The following MAEL variants were observed in gnomAD, a reference collection of about 807,000 sequenced individuals.
MAEL encodes the protein protein maelstrom homolog.
Under a neutral mutation model 62.0 loss-of-function variants are expected in MAEL, and 46 were observed. The ratio of observed to expected loss-of-function variants is 0.74; its 90% confidence interval spans 0.59 to 0.95. MAEL has a LOEUF of 0.95. MAEL is among the 40% of genes least tolerant of loss of function. The probability of loss-of-function intolerance (pLI) is 0.00; values close to 1 mark genes in which losing one functional copy is unlikely to be tolerated. For missense variants in MAEL, 497 were observed against 526.8 expected (o/e 0.94, Z 0.55); for synonymous variants, 172 against 175.5 (o/e 0.98, Z 0.16).
At chr1:166,995,326 C>A (rs541363145) in intron 5 of MAEL, among the ~76,000 whole-genome samples, 92 of 151,960 alleles carry the variant, frequency 6.1e-4, no homozygotes, top group Middle Eastern at 3.4e-3. Flanking sequence ...CTGCAACCTC[C>A]GCCTCCTGGG....
rs1250433091 is a variant in MAEL, at chr1:167,006,612, T to C, written c.845+1215T>C. Among the ~76,000 whole-genome samples, 137 of 70,256 alleles carry C rather than the reference T, an allele frequency of 2.0e-3. 5 individuals are homozygous for C. The highest frequency in any genetic ancestry group is 0.011 in the African/African-American group (119 of 10,564). 46.1% of individuals were successfully genotyped at this position (70,256 alleles called of 152,430 possible). A position where few individuals can be genotyped will look rare whatever the true frequency, so the allele number is the denominator to read the frequency against. The stretch of plus-strand genomic sequence containing the variant: ...TTACTGGTTTTTTACTATATATATA[T>C]ATATATATATATATATATATATATA... On this transcript the variant is annotated intron_variant, in intron 8 of 11. Transcript: ENST00000367872.
intron 1 of MAEL, among the ~76,000 whole-genome samples, chr1:166,980,588 A>G (rs544482951): frequency 6.6e-6 from 1 of 152,310 alleles, no homozygotes; most frequent in African/African-American, 2.4e-5. Flanking sequence ...TGAGCAGTTG[A>G]GCCCTGGGAG....
At chr1:166,975,626 CAA>C (rs1181131702) in exon 1 of MAEL, 2 of 152,264 alleles carry the variant, frequency 1.3e-5, no homozygotes, top group Non-Finnish European at 2.9e-5. Context: ...CCGCGACTGC[CAA>C]AGTTTCTCGG....
chr1:166,975,989 G>T lies in MAEL; in HGVS notation c.-121+323G>T, dbSNP rs1663566420. Among the ~76,000 whole-genome samples, 3 of 151,950 alleles carry T rather than the reference G, an allele frequency of 2.0e-5. No homozygotes were observed. The South Asian group carries it at 6.2e-4, about 31-fold the overall frequency. ...TCTAGGCTAGAATGTTCGCTTCTGCGGTACCCCCGCCCCTCCGTCTGGTTT... is the reference window on the plus strand; with the variant it reads ...TCTAGGCTAGAATGTTCGCTTCTGCTGTACCCCCGCCCCTCCGTCTGGTTT... On this transcript the variant is annotated intron_variant, in intron 1 of 12. Transcript: ENST00000622874.
At chr1:167,020,026 C>T (rs1056694670) in intron 10 of MAEL, among the ~76,000 whole-genome samples, 1 of 152,134 alleles carries the variant, frequency 6.6e-6, no homozygotes, top group African/African-American at 2.4e-5. Context: ...TCAAACATCC[C>T]CCTCTCAGAC....
At chr1:167,007,561 G>C (rs943883352) in intron 8 of MAEL, among the ~76,000 whole-genome samples, 1 of 94,500 alleles carries the variant, frequency 1.1e-5, no homozygotes, top group Admixed American at 9.6e-5. Flanking sequence ...ATATGTTTGT[G>C]TGTGTGTGTG....
intron 1 of MAEL, among the ~76,000 whole-genome samples, chr1:166,983,705 A>C (rs1245283493): frequency 6.6e-6 from 1 of 152,144 alleles, no homozygotes; most frequent in Non-Finnish European, 1.5e-5. Context: ...AAAAAAAATC[A>C]ATTTTATCAA....
chr1:167,002,497 C>T (rs1171014507), intron 5 of MAEL, among the ~76,000 whole-genome samples: 2 of 152,044 alleles, frequency 1.3e-5, no homozygotes, highest in African/African-American at 4.8e-5. Context: ...TAGTTATTTT[C>T]GAGTGCTAAA....
upstream of MAEL, among the ~76,000 whole-genome samples, chr1:166,984,677 A>G (rs1663861126): frequency 6.6e-6 from 1 of 152,224 alleles, no homozygotes; most frequent in African/African-American, 2.4e-5. Flanking sequence ...CTCAGCAGGC[A>G]CCATTCTTCA....
upstream of MAEL, among the ~76,000 whole-genome samples, chr1:166,986,981 T>TGTGTGTGTGTGTGTG (rs3223320): frequency 6.7e-6 from 1 of 149,368 alleles, no homozygotes; most frequent in African/African-American, 2.5e-5. Flanking sequence ...TGTGTGTGTG[T>TGTGTGTGTGTGTGTG]TTAAAATTAC....
intron 8 of MAEL, among the ~76,000 whole-genome samples, chr1:167,007,166 A>G (rs1040243863): frequency 6.7e-6 from 1 of 149,876 alleles, no homozygotes; most frequent in Non-Finnish European, 1.5e-5. Flanking sequence ...TTACCCATTT[A>G]TTTATTTTTT....
intron 1 of MAEL, among the ~76,000 whole-genome samples, chr1:166,977,568 T>C (rs1447635139): frequency 6.6e-6 from 1 of 152,208 alleles, no homozygotes; most frequent in African/African-American, 2.4e-5. Flanking sequence ...GATGATATAT[T>C]TGTATTATGC....
chr1:167,003,868 A>G (rs1205705640), intron 5 of MAEL, among the ~76,000 whole-genome samples: 3 of 152,140 alleles, frequency 2.0e-5, no homozygotes, highest in African/African-American at 7.2e-5. Flanking sequence ...ATAGTAAAAC[A>G]CCGCAGGCCT....
chr1:166,990,485 A>C (rs1664124440), intron 2 of MAEL: 1 of 151,942 alleles, frequency 6.6e-6, no homozygotes, highest in Non-Finnish European at 1.5e-5. Flanking sequence ...GGAAACCCCA[A>C]CTCTACTAAA....
chr1:167,011,202 G>T (rs1665159226), intron 8 of MAEL, among the ~76,000 whole-genome samples: 1 of 152,002 alleles, frequency 6.6e-6, no homozygotes, highest in Non-Finnish European at 1.5e-5. Context: ...GTTTTTTCTG[G>T]ACTCTACTGC....
At chr1:166,994,613 T>A (rs74119526) in intron 5 of MAEL, among the ~76,000 whole-genome samples, 12,062 of 151,882 alleles carry the variant, frequency 0.079, 1,107 homozygotes, top group African/African-American at 0.23. Flanking sequence ...TTTAAATGTA[T>A]ATTAAAAGTG....
At chr1:166,995,860 C>G (rs73026777) in intron 5 of MAEL, among the ~76,000 whole-genome samples, 12,170 of 152,014 alleles carry the variant, frequency 0.08, 1,133 homozygotes, top group African/African-American at 0.23. Flanking sequence ...CTGTTAAATC[C>G]TTCTTAAAAA....
chr1:166,992,976 T>A, intron 4 of MAEL, 135 bp downstream of exon 4: 2 of 743,818 alleles, frequency 2.7e-6, no homozygotes, highest in Non-Finnish European at 3.9e-6. Flanking sequence ...GACTTCATAA[T>A]GCTTATTGAA....
Position 167,021,950 on chromosome 1 carries a change from A to G in MAEL, c.*95A>G. 1.3e-6 allele frequency: 1 copy of G among 770,050 alleles called. No individual in the cohort carries two copies. The highest frequency in any genetic ancestry group is 2.6e-5 in the South Asian group (1 of 37,768). 47.7% of individuals were successfully genotyped at this position (770,050 alleles called of 1,614,324 possible). A position where few individuals can be genotyped will look rare whatever the true frequency, so the allele number is the denominator to read the frequency against. On this transcript the variant is annotated 3_prime_UTR_variant, in exon 12 of 12. Transcript: ENST00000367872. ...ACAGATCACATCAATGACAAATGTC[A>G]CTACTATAAAAACTACTTAATTTGT...
Sources: gnomAD v4.1 joint callset for allele counts (sites outside exome capture counted in the v4.1 genomes callset) on GRCh38, gnomAD v4.1.1 for gene constraint, MANE v1.5 for transcripts, NCBI Gene and HGNC (gene_info 2026-07-23, HGNC 2026-07-21) for gene names.